The following CREBBP variants were observed in gnomAD, a reference collection of about 807,000 sequenced individuals.
The protein encoded by CREBBP is CREB binding lysine acetyltransferase, also known as CREB-binding protein.
Under a neutral mutation model 265.0 loss-of-function variants are expected in CREBBP, and 19 were observed. The ratio of observed to expected loss-of-function variants is 0.07; its 90% CI spans 0.05 to 0.11. The LOEUF (loss-of-function observed/expected upper bound fraction) is 0.11. CREBBP is among the 10% of genes least tolerant of loss of function. The pLI is 1.00. For missense variants in CREBBP, 2,525 were observed against 3,219.0 expected (o/e 0.78, Z 5.22); for synonymous variants, 1,457 against 1,223.7 (o/e 1.19, Z -3.98).
In CREBBP at chr16:3,736,213, C is replaced by A; in HGVS notation, c.4561-10G>T. 1 of 1,614,022 alleles carries A rather than the reference C, an allele frequency of 6.2e-7. No homozygotes were observed. ...CTTGTTTGAAAATATCCTGAGTGGGCAAAGCACAACAGTGAGATGAGGGCC... is the reference window on the plus strand; with the variant it reads ...CTTGTTTGAAAATATCCTGAGTGGGAAAAGCACAACAGTGAGATGAGGGCC... On this transcript the variant is annotated splice_polypyrimidine_tract_variant and intron_variant, in intron 27 of 30. Coordinates refer to ENST00000262367, the MANE Select transcript of CREBBP (RefSeq NM_004380.3).
At chr16:3,849,549 T>TC (rs2054781994) in intron 2 of CREBBP, among the ~76,000 whole-genome samples, 1 of 139,266 alleles carries the variant, frequency 7.2e-6, no homozygotes, top group African/African-American at 2.8e-5. Flanking sequence ...TTTTTTTTTT[T>TC]TCCAAGAGAC....
chr16:3,762,557 G>A (rs2052746912), intron 16 of CREBBP, among the ~76,000 whole-genome samples: 1 of 151,954 alleles, frequency 6.6e-6, no homozygotes, highest in Non-Finnish European at 1.5e-5. Flanking sequence ...AGTGAAGTCA[G>A]GAGTGTATGT....
chr16:3,755,153 T>C (rs1243655191), intron 19 of CREBBP, among the ~76,000 whole-genome samples: 2 of 152,248 alleles, frequency 1.3e-5, no homozygotes, highest in Non-Finnish European at 2.9e-5. Context: ...AGAAATAAAA[T>C]TAGACGTTTC....
intron 2 of CREBBP, among the ~76,000 whole-genome samples, chr16:3,812,387 C>G (rs1332623697): frequency 6.6e-6 from 1 of 151,954 alleles, no homozygotes; most frequent in African/African-American, 2.4e-5. Context: ...TCATGTTGGC[C>G]AAGCTGGTCT....
intron 13 of CREBBP, among the ~76,000 whole-genome samples, chr16:3,771,316 G>A (rs1297784129): frequency 1.3e-5 from 2 of 152,066 alleles, no homozygotes; most frequent in Non-Finnish European, 2.9e-5. Context: ...TGATCCTCCC[G>A]CCTCGGCCTT....
chr16:3,765,821 T>C (rs2052838105), intron 16 of CREBBP, among the ~76,000 whole-genome samples: 1 of 152,098 alleles, frequency 6.6e-6, no homozygotes, highest in Non-Finnish European at 1.5e-5. Flanking sequence ...CTAATTTTTT[T>C]TTAATAGAGA....
At position 3,849,425 on chromosome 16, in the gene CREBBP, GTGTGTGTGTGT is replaced by G. The variant is rs2054748057; in HGVS notation, c.798+861_798+871del. On this transcript the variant is annotated intron_variant, in intron 2 of 30. Coordinates refer to ENST00000262367, the MANE Select transcript of CREBBP (RefSeq NM_004380.3). ...TGTGTGTGTGTGTGTGTGTGTGTGT[GTGTGTGTGTGT>G]GTGTGTGTGTGTGTGTGTGTGTGTG... Among the ~76,000 whole-genome samples the G allele has an allele frequency of 1.8e-3, 19 of 10,584 alleles. 1 individual carries two copies. Among genetic ancestry groups the G allele is most frequent in the East Asian group, 0.014 (2 of 142 alleles). The allele number at this position is 10,584 out of a possible 152,430, so 6.9% of individuals were successfully genotyped here.
At chr16:3,775,149 GC>G (rs1177560307) in intron 11 of CREBBP, among the ~76,000 whole-genome samples, 3 of 152,326 alleles carry the variant, frequency 2.0e-5, no homozygotes, top group Admixed American at 6.5e-5. Flanking sequence ...TGCCTCTGGA[GC>G]AGCTGACGCC....
At chr16:3,859,353 C>T (rs567655884) in intron 1 of CREBBP, among the ~76,000 whole-genome samples, 10 of 152,136 alleles carry the variant, frequency 6.6e-5, no homozygotes, top group East Asian at 1.9e-4. Context: ...CCACCACACC[C>T]GGCTAATTTT....
At chr16:3,739,854 GCCT>G (rs1264936420) in intron 24 of CREBBP, 130 bp from the exon 25 acceptor site, 10 of 1,310,068 alleles carry the variant, frequency 7.6e-6, no homozygotes, top group South Asian at 2.4e-5. Flanking sequence ...TCAGACCGTG[GCCT>G]GGAGTCCTCC....
Position 3,775,547 on chromosome 16 carries a change from G to A in CREBBP, c.2159-854C>T, listed in dbSNP as rs2053117312. Reference sequence around the variant, plus strand: ...TGAGAAGGCTCAAAGGATGACTCACGGAGCACTACCTTCAATGGCTACCTA... The same window carrying A: ...TGAGAAGGCTCAAAGGATGACTCACAGAGCACTACCTTCAATGGCTACCTA... On this transcript the variant is annotated intron_variant, in intron 11 of 30. Coordinates refer to ENST00000262367, the MANE Select transcript of CREBBP (RefSeq NM_004380.3). Among the ~76,000 whole-genome samples, 3 of 152,164 alleles carry A rather than the reference G, an allele frequency of 2.0e-5. No homozygotes were observed. In the South Asian group the frequency reaches 6.2e-4, roughly 32 times the overall value.
At chr16:3,834,012 C>T (rs554460873) in intron 2 of CREBBP, among the ~76,000 whole-genome samples, 1 of 152,126 alleles carries the variant, frequency 6.6e-6, no homozygotes, top group Non-Finnish European at 1.5e-5. Flanking sequence ...GGCAAATAAG[C>T]GTATGAAAAG....
chr16:3,740,356 T>C (rs775997035), intron 24 of CREBBP, 43 bp downstream of exon 24: 10 of 1,611,348 alleles, frequency 6.2e-6, no homozygotes, highest in Non-Finnish European at 7.6e-6. Flanking sequence ...CAAGCGGGCG[T>C]GGGGACTGCT....
Position 3,849,687 on chromosome 16 carries a change from T to C in CREBBP, c.798+610A>G, listed in dbSNP as rs549809888. The stretch of plus-strand genomic sequence containing the variant: ...TGTCCAGCACCCATCTGGAGGCTTC[T>C]TAAAGCCCAGGCCCCACGCCGAGCT... On this transcript the variant is annotated intron_variant, in intron 2 of 30. Transcript: ENST00000262367. Among the ~76,000 whole-genome samples the C allele has an allele frequency of 4.1e-3, 620 of 151,898 alleles. 3 individuals carry two copies. Among genetic ancestry groups the C allele is most frequent in the Non-Finnish European group, 7.3e-3 (497 of 67,932 alleles).
At chr16:3,748,288 A>G (rs912470833) in intron 21 of CREBBP, among the ~76,000 whole-genome samples, 2 of 152,096 alleles carry the variant, frequency 1.3e-5, no homozygotes, top group African/African-American at 4.8e-5. Flanking sequence ...GGGGGAAAAA[A>G]AAAAAGGAAA....
chr16:3,799,516 G>A (rs373062934), intron 3 of CREBBP, among the ~76,000 whole-genome samples: 1 of 152,174 alleles, frequency 6.6e-6, no homozygotes, highest in Non-Finnish European at 1.5e-5. Context: ...GTATCAAAAA[G>A]AAAAACATGC....
In CREBBP at chr16:3,739,591, G is replaced by A. The variant is rs797045493; in HGVS notation, c.4267C>T (p.Pro1423Ser). 1.2e-6 allele frequency: 2 copies of A among 1,614,074 alleles called. No homozygotes were observed. Among genetic ancestry groups the A allele is most frequent in the South Asian group, 1.1e-5 (1 of 91,084 alleles). Residue 1423 changes from proline to serine, a missense_variant, in exon 25 of 31, where the codon CCT (proline) becomes TCT (serine). Pro to Ser is a moderately conservative substitution (Grantham distance 74). Around this residue, in one of 19 missense-constraint regions of CREBBP, gnomAD observed 252 missense variants for 452.5 expected, o/e 0.56. Transcript: ENST00000262367. ...HVQEYGSDCP[P>S]PNTRRVYISY... ...CTGGAAAACTACCTCGTGTTTGGAG[G>A]GGGGCAATCAGAGCCGTATTCTTGG...
chr16:3,821,366 G>A (rs915649225), intron 2 of CREBBP, among the ~76,000 whole-genome samples: 4 of 152,164 alleles, frequency 2.6e-5, no homozygotes, highest in Admixed American at 1.3e-4. Flanking sequence ...CCTCCCTGTG[G>A]GGCCCAGAGT....
intron 3 of CREBBP, among the ~76,000 whole-genome samples, chr16:3,804,317 G>A (rs986669865): frequency 5.3e-5 from 8 of 151,920 alleles, no homozygotes; most frequent in East Asian, 1.9e-4. Context: ...GAATACTTAC[G>A]ACATTTACAG....
Sources: gnomAD v4.1 joint callset for allele counts (sites outside exome capture counted in the v4.1 genomes callset) on GRCh38, gnomAD v4.1.1 for gene constraint, gnomAD v4.1.1 regional missense constraint, MANE v1.5 for transcripts, NCBI Gene and HGNC (gene_info 2026-07-23, HGNC 2026-07-21) for gene names.